The following SLC25A17 variants were observed in gnomAD, a reference collection of about 807,000 sequenced individuals.
The protein encoded by SLC25A17 is solute carrier family 25 member 17, also known as peroxisomal membrane protein PMP34.
SLC25A17 carries 26 observed loss-of-function variants against 38.5 expected under a neutral mutation model. That is an observed-to-expected ratio of 0.68 (90% CI 0.50 to 0.94). The LOEUF is 0.94. Ranked by LOEUF, SLC25A17 falls within the 40% of genes least tolerant of loss-of-function variation. The pLI is 0.00. For missense variants in SLC25A17, 333 were observed against 372.7 expected (o/e 0.89, Z 0.88); for synonymous variants, 139 against 136.2 (o/e 1.02, Z -0.14).
rs543110713 is a variant in SLC25A17, at chr22:40,803,290, C to A, written c.55-4207G>T. On this transcript the variant is annotated intron_variant, in intron 1 of 8. Transcript: ENST00000435456. ...ATGAAACTTTGTACCCTTTAACTAA[C>A]CTCTCCTGGTCCCCCTCTCCTTCCT... 2.0e-5 allele frequency among the ~76,000 whole-genome samples: 3 copies of A among 152,254 alleles called. No individual in the cohort carries two copies. In the South Asian group the frequency reaches 6.2e-4, roughly 32 times the overall value.
At chr22:40,779,368 T>C (rs1321241739) in intron 4 of SLC25A17, 3 of 1,015,976 alleles carry the variant, frequency 3.0e-6, no homozygotes, top group Non-Finnish European at 4.2e-6. Context: ...GAGCAATAAG[T>C]TCCCTCATTT....
At chr22:40,791,058 G>A (rs2057381469) in intron 4 of SLC25A17, among the ~76,000 whole-genome samples, 1 of 152,212 alleles carries the variant, frequency 6.6e-6, no homozygotes, top group Non-Finnish European at 1.5e-5. Context: ...GGTTCATGAG[G>A]AAGACCTCAA....
chr22:40,791,014 C>T (rs1028813274), intron 4 of SLC25A17, among the ~76,000 whole-genome samples: 6 of 152,138 alleles, frequency 3.9e-5, no homozygotes, highest in Admixed American at 6.5e-5. Context: ...TTGAAAACTA[C>T]TCTCCTAGAA....
chr22:40,801,128 C>CATATATATATATAT (rs60780380), intron 1 of SLC25A17, among the ~76,000 whole-genome samples: 2 of 101,198 alleles, frequency 2.0e-5, no homozygotes, highest in African/African-American at 3.6e-5. Context: ...AAATATATTA[C>CATATATATATATAT]ATATATATAT....
intron 8 of SLC25A17, among the ~76,000 whole-genome samples, chr22:40,771,868 T>C (rs5758072): frequency 0.28 from 43,293 of 152,044 alleles, 7,346 homozygotes; most frequent in East Asian, 0.65. Context: ...ATAGGACTGT[T>C]TGTAACAAAA....
At chr22:40,778,256 T>C (rs1265824190) in intron 5 of SLC25A17, among the ~76,000 whole-genome samples, 1 of 152,206 alleles carries the variant, frequency 6.6e-6, no homozygotes, top group Non-Finnish European at 1.5e-5. Context: ...TGATACTCTT[T>C]GGGAGCAGCA....
chr22:40,772,760 G>T (rs192651180), intron 8 of SLC25A17, among the ~76,000 whole-genome samples: 2 of 151,600 alleles, frequency 1.3e-5, no homozygotes, highest in African/African-American at 4.8e-5. Flanking sequence ...CTTCAGCCTC[G>T]TGTGTAGCTG....
At chr22:40,799,422 G>A (rs1804691329) in intron 1 of SLC25A17, 1 of 160,068 alleles carries the variant, frequency 6.2e-6, no homozygotes, top group African/African-American at 2.5e-5. Context: ...AGAGTGCAGT[G>A]GCACGATCTC....
At position 40,810,949 on chromosome 22, in the gene SLC25A17, C is replaced by T. The variant is rs575104976; in HGVS notation, c.54+8246G>A. Among the ~76,000 whole-genome samples the T allele has an allele frequency of 3.3e-5, 5 of 152,108 alleles. No homozygotes were observed. The East Asian group carries it at 9.7e-4, about 29-fold the overall frequency. On this transcript the variant is annotated intron_variant, in intron 1 of 8. Coordinates refer to ENST00000435456, the MANE Select transcript of SLC25A17 (RefSeq NM_006358.4). ...TTTTTTTGTGGTTATTGTTTTGAGA[C>T]AGGGTCTCACTCTATTGCCCTGGCT...
Position 40,777,082 on chromosome 22 carries a change from G to C in SLC25A17, c.651C>G (p.Thr217=), listed in dbSNP as rs375523852. The C allele has an allele frequency of 1.2e-6, 2 of 1,614,100 alleles. No individual in the cohort carries two copies. The highest frequency in any genetic ancestry group is 1.7e-6 in the Non-Finnish European group (2 of 1,180,014). ...IIGAVAKAIA[T]TVTYPLQTVQ... ...CCGTCTGCAGGGGATAGGTCACCGT[G>C]GTGGCAATCGCTTTGGCTACTGCAC... is the stretch of plus-strand genomic sequence containing the variant. The change falls in exon 7 of 9, where the codon ACC becomes ACG. Residue 217 remains threonine (T), a synonymous_variant. Coordinates refer to ENST00000435456, the MANE Select transcript of SLC25A17 (RefSeq NM_006358.4).
At chr22:40,781,106 G>T (rs1050801688) in intron 4 of SLC25A17, among the ~76,000 whole-genome samples, 1 of 152,078 alleles carries the variant, frequency 6.6e-6, no homozygotes, top group Non-Finnish European at 1.5e-5. Context: ...AGGAGGTTGA[G>T]GCTGCAGTGA....
chr22:40,810,347 CTT>C (rs199943597), intron 1 of SLC25A17, among the ~76,000 whole-genome samples: 30 of 135,490 alleles, frequency 2.2e-4, no homozygotes, highest in Middle Eastern at 3.9e-3. Flanking sequence ...ATTAAATATT[CTT>C]TTTTTTTTTT....
At chr22:40,771,510 GC>G (rs1319136714) in intron 8 of SLC25A17, among the ~76,000 whole-genome samples, 1 of 152,154 alleles carries the variant, frequency 6.6e-6, no homozygotes, top group Non-Finnish European at 1.5e-5. Flanking sequence ...TATACAAAAT[GC>G]AGTACTATTC....
chr22:40,793,957 C>T (rs764270219), intron 3 of SLC25A17, among the ~76,000 whole-genome samples: 4 of 152,018 alleles, frequency 2.6e-5, no homozygotes, highest in Non-Finnish European at 5.9e-5. Context: ...AACTTACTCT[C>T]AAATAATTCA....
chr22:40,794,658 C>T (rs956389257), intron 2 of SLC25A17, 78 bp from the exon 3 acceptor site: 31 of 767,602 alleles, frequency 4.0e-5, no homozygotes, highest in South Asian at 2.3e-4. Flanking sequence ...CTCACTCTGT[C>T]GCCCAGGCTG....
intron 4 of SLC25A17, among the ~76,000 whole-genome samples, chr22:40,787,579 AGTCT>A (rs1392236275): frequency 6.6e-6 from 1 of 152,178 alleles, no homozygotes; most frequent in African/African-American, 2.4e-5. Context: ...TACCAGCAGG[AGTCT>A]GGTATACTGA....
chr22:40,773,108 G>C (rs553312359), intron 8 of SLC25A17, among the ~76,000 whole-genome samples: 1 of 152,138 alleles, frequency 6.6e-6, no homozygotes, highest in East Asian at 1.9e-4. Flanking sequence ...AACTCACAGA[G>C]CTACTGTTAG....
chr22:40,794,675 A>T, intron 2 of SLC25A17, 95 bp from the exon 3 acceptor site: 1 of 596,110 alleles, frequency 1.7e-6, no homozygotes, highest in Non-Finnish European at 2.8e-6. Context: ...GCTGGAGTGC[A>T]GTGGCGTGAT....
At chr22:40,784,015 C>G (rs1259148887) in intron 4 of SLC25A17, among the ~76,000 whole-genome samples, 1 of 151,988 alleles carries the variant, frequency 6.6e-6, no homozygotes, top group Non-Finnish European at 1.5e-5. Context: ...AATGGTACCT[C>G]TTTCTAACCC....
Sources: allele counts gnomAD v4.1 joint callset (sites outside exome capture counted in the v4.1 genomes callset), GRCh38; gene constraint gnomAD v4.1.1; transcripts MANE v1.5; gene names NCBI Gene and HGNC (gene_info 2026-07-23, HGNC 2026-07-21).